TES: variants seen among roughly 807,000 people sequenced by gnomAD.
The protein encoded by TES is testin LIM domain protein.
In TES, 41 loss-of-function variants were observed where a neutral mutation model predicts 48.2. The observed-to-expected ratio is 0.85, with a 90% confidence interval of 0.66 to 1.10. The LOEUF is 1.10. TES is among the 50% of genes least tolerant of loss of function. The pLI is 0.00. For missense variants in TES, 463 were observed against 515.1 expected, an observed-to-expected ratio of 0.90 and a Z score of 0.98; for synonymous variants, 162 against 174.9, an observed-to-expected ratio of 0.93 and a Z score of 0.58.
At chr7:116,215,757 A>C (rs563549613) in intron 1 of TES, among the ~76,000 whole-genome samples, 1 of 152,212 alleles carries the variant, frequency 6.6e-6, no homozygotes, top group African/African-American at 2.4e-5. Flanking sequence ...TCTCGTGTTG[A>C]GCTCTGCAGT....
At chr7:116,231,166 G>A (rs1057329149) in intron 1 of TES, among the ~76,000 whole-genome samples, 2 of 152,130 alleles carry the variant, frequency 1.3e-5, no homozygotes, top group African/African-American at 4.8e-5. Context: ...GTGCAACCAG[G>A]AGCAAATTAT....
intron 1 of TES, among the ~76,000 whole-genome samples, chr7:116,223,473 C>T (rs1012806377): frequency 6.6e-5 from 10 of 151,986 alleles, no homozygotes; most frequent in Non-Finnish European, 5.9e-5. Flanking sequence ...ATAAACATTG[C>T]GAAAATTTTC....
intron 2 of TES, among the ~76,000 whole-genome samples, chr7:116,236,414 A>G (rs2116600430): frequency 6.6e-6 from 1 of 152,314 alleles, no homozygotes; most frequent in South Asian, 2.1e-4. Context: ...TAAAATATGT[A>G]TAAAATTACC....
intron 2 of TES, among the ~76,000 whole-genome samples, chr7:116,245,297 C>T (rs1352867510): frequency 6.6e-6 from 1 of 152,128 alleles, no homozygotes; most frequent in Non-Finnish European, 1.5e-5. Context: ...ATTTCTTCCA[C>T]CAGACAACCT....
At chr7:116,247,481 T>G (rs1799942442) in intron 2 of TES, among the ~76,000 whole-genome samples, 1 of 152,164 alleles carries the variant, frequency 6.6e-6, no homozygotes, top group Admixed American at 6.5e-5. Context: ...CACTCAGACA[T>G]GTCCCTTTAA....
At chr7:116,229,759 TTATAA>T (rs1191789994) in intron 1 of TES, among the ~76,000 whole-genome samples, 1 of 152,230 alleles carries the variant, frequency 6.6e-6, no homozygotes, top group Non-Finnish European at 1.5e-5. Flanking sequence ...CTGTGTAATT[TTATAA>T]TATAAATTGG....
intron 2 of TES, among the ~76,000 whole-genome samples, chr7:116,244,181 A>G (rs1799890824): frequency 6.6e-6 from 1 of 152,080 alleles, no homozygotes; most frequent in Admixed American, 6.6e-5. Flanking sequence ...TCAAAACACA[A>G]TTATGCCCTT....
intron 6 of TES, among the ~76,000 whole-genome samples, chr7:116,256,795 ACT>A (rs1359533019): frequency 6.6e-6 from 1 of 152,214 alleles, no homozygotes; most frequent in African/African-American, 2.4e-5. Context: ...TTTCTCAAAC[ACT>A]GTCAGTATTT....
In TES at chr7:116,257,394, G is replaced by T. The variant is rs758526929; in HGVS notation, c.1178G>T (p.Cys393Phe). Reference protein sequence around the residue: ...HASTECFLCSCCSKCLIGQKF... With the variant: ...HASTECFLCSFCSKCLIGQKF... ...TCCACAGAGTGCTTTCTGTGCTCTT[G>T]CTGCAGCAAATGCCTCATTGGGCAG... The change falls in exon 7 of 7, where the codon TGC becomes TTC. Residue 393 changes from cysteine (C) to phenylalanine (F), a missense_variant. Cys to Phe is a radical substitution (Grantham distance 205). Transcript: ENST00000358204. 6.2e-7 allele frequency: 1 copy of T among 1,614,012 alleles called. No homozygotes were observed. The highest frequency in any genetic ancestry group is 8.5e-7 in the Non-Finnish European group (1 of 1,179,984).
chr7:116,256,393 G>T (rs1056321613), intron 6 of TES, among the ~76,000 whole-genome samples: 2 of 152,144 alleles, frequency 1.3e-5, no homozygotes, highest in Admixed American at 6.5e-5. Flanking sequence ...AGACAGTCTT[G>T]CTGGCTTCTT....
intron 6 of TES, chr7:116,255,141 A>C (rs1343714478): frequency 6.6e-6 from 1 of 152,122 alleles, no homozygotes; most frequent in Non-Finnish European, 1.5e-5. Context: ...AGTCACTAGA[A>C]CTCCATAGTT....
intron 6 of TES, among the ~76,000 whole-genome samples, chr7:116,253,402 C>T (rs907007849): frequency 4.6e-5 from 7 of 152,162 alleles, no homozygotes; most frequent in African/African-American, 1.7e-4. Context: ...CTTATAATTA[C>T]AACCATTCTA....
In TES at chr7:116,234,552, C is replaced by T. The variant is rs767377968; in HGVS notation, c.46C>T (p.Gln16Ter). ...KVKKMGLGHE[Q>*]GFGAPCLKCK... ...TTAACAGATGGGCTTAGGTCACGAG[C>T]AAGGATTTGGAGCCCCTTGTTTAAA... The change falls in exon 2 of 7, where the codon CAA becomes TAA. Residue 16 changes from glutamine (Q) to a stop codon, truncating the protein, a stop_gained. Coordinates refer to ENST00000358204, the MANE Select transcript of TES (RefSeq NM_015641.4). LOFTEE classifies it high-confidence loss of function. 3.7e-6 allele frequency: 6 copies of T among 1,613,800 alleles called. No homozygotes were observed. In the South Asian group the frequency reaches 6.6e-5, roughly 18 times the overall value.
At position 116,210,746 on chromosome 7, in the gene TES, C is replaced by T; in HGVS notation, c.27+12C>T. 1.6e-6 allele frequency: 2 copies of T among 1,242,316 alleles called. No homozygotes were observed. The highest frequency in any genetic ancestry group is 4.0e-5 in the South Asian group (1 of 25,136). The allele number at this position is 1,242,316 out of a possible 1,614,324, so 77.0% of individuals were successfully genotyped here. ...ACAAAGTGAAGAAGGTAGGGGGGCG[C>T]TCGTGGCGGGCGGCGGCTGCTTCAC... On this transcript the variant is annotated intron_variant, in intron 1 of 6. Coordinates refer to ENST00000358204, the MANE Select transcript of TES (RefSeq NM_015641.4).
chr7:116,251,685 A>C, intron 4 of TES, 75 bp from the exon 5 acceptor site: 1 of 1,361,420 alleles, frequency 7.3e-7, no homozygotes, highest in Non-Finnish European at 1.0e-6. Context: ...TCAGTCTCAA[A>C]AAAAAAAAAA....
chr7:116,233,301 T>C (rs1269775931), intron 1 of TES, among the ~76,000 whole-genome samples: 1 of 152,188 alleles, frequency 6.6e-6, no homozygotes, highest in Non-Finnish European at 1.5e-5. Context: ...ATTACAACCT[T>C]GTGTCCTTCT....
chr7:116,226,344 T>C (rs1052126642), intron 1 of TES, among the ~76,000 whole-genome samples: 3 of 152,100 alleles, frequency 2.0e-5, no homozygotes, highest in Admixed American at 6.5e-5. Context: ...GCCAAGGGGA[T>C]AGTTAAAGAA....
At chr7:116,218,591 T>A (rs1799521016) in intron 1 of TES, among the ~76,000 whole-genome samples, 1 of 152,162 alleles carries the variant, frequency 6.6e-6, no homozygotes. Context: ...CCTTTGTTTT[T>A]CGTAGAGAAT....
At chr7:116,252,573 GTCC>G in intron 6 of TES, 97 bp downstream of exon 6, 1 of 1,573,560 alleles carries the variant, frequency 6.4e-7, no homozygotes, top group Non-Finnish European at 8.7e-7. Context: ...ACAGAAAGCA[GTCC>G]TCCTAAGTAG....
Sources: allele counts gnomAD v4.1 joint callset (sites outside exome capture counted in the v4.1 genomes callset), GRCh38; gene constraint gnomAD v4.1.1; transcripts MANE v1.5; gene names NCBI Gene and HGNC (gene_info 2026-07-23, HGNC 2026-07-21).